The following PPP2R1B variants were observed in gnomAD, a reference collection of about 807,000 sequenced individuals.
The protein encoded by PPP2R1B is protein phosphatase 2 scaffold subunit Abeta.
In PPP2R1B, 58 loss-of-function variants were observed where a neutral mutation model predicts 72.7. The ratio of observed to expected loss-of-function variants is 0.80; its 90% confidence interval spans 0.65 to 0.99. The LOEUF (loss-of-function observed/expected upper bound fraction) is 0.99, where lower values mean the gene tolerates loss of function less well. Among genes scored for constraint, PPP2R1B ranks in the 50% least tolerant of loss-of-function variants. The probability of loss-of-function intolerance (pLI) is 0.00; values close to 1 mark genes in which losing one functional copy is unlikely to be tolerated. For missense variants in PPP2R1B, 695 were observed against 733.6 expected (o/e 0.95, Z 0.61); for synonymous variants, 256 against 264.6 (o/e 0.97, Z 0.32).
At chr11:111,730,750 T>C (rs1468409039) in intron 15 of PPP2R1B, 1 of 152,214 alleles carries the variant, frequency 6.6e-6, no homozygotes, top group Non-Finnish European at 1.5e-5. Flanking sequence ...AAATAATCTC[T>C]GTACCAAATA....
chr11:111,765,982 G>T, intron 1 of PPP2R1B: 1 of 559,596 alleles, frequency 1.8e-6, no homozygotes, highest in Non-Finnish European at 3.4e-6. Context: ...GGCGGGAAGC[G>T]GGTTCCCCGA....
the PPP2R1B span, chr11:111,720,383 G>A: frequency 8.0e-7 from 1 of 1,243,588 alleles, no homozygotes; most frequent in Non-Finnish European, 1.1e-6. Flanking sequence ...TAAGGACATG[G>A]TAGCTGTCAA....
chr11:111,757,567 G>T (rs1475272083), intron 5 of PPP2R1B, among the ~76,000 whole-genome samples: 1 of 152,128 alleles, frequency 6.6e-6, no homozygotes, highest in African/African-American at 2.4e-5. Flanking sequence ...CTGGTGCAGT[G>T]GCTCACACCT....
chr11:111,733,632 C>A (rs970261547), downstream of PPP2R1B, among the ~76,000 whole-genome samples: 14 of 152,174 alleles, frequency 9.2e-5, no homozygotes, highest in South Asian at 6.2e-4. Flanking sequence ...GGGGGTGGGA[C>A]ACAATGGAAT....
At chr11:111,743,317 G>T in intron 12 of PPP2R1B, 59 bp downstream of exon 12, 2 of 1,460,642 alleles carry the variant, frequency 1.4e-6, no homozygotes, top group Non-Finnish European at 1.9e-6. Context: ...TTCAGAAATA[G>T]TCATGAATAA....
downstream of PPP2R1B, chr11:111,723,673 C>T (rs111728096): frequency 8.7e-6 from 14 of 1,613,834 alleles, no homozygotes; most frequent in African/African-American, 9.3e-5. Flanking sequence ...AGCCCCTGAG[C>T]CCCGTCCTGG....
At chr11:111,701,581 C>A in the PPP2R1B span, 5 of 1,613,262 alleles carry the variant, frequency 3.1e-6, no homozygotes, top group Non-Finnish European at 4.2e-6. The surrounding 1 kb of genome is among the most constrained non-coding windows in gnomAD (Gnocchi z 4.2). Context: ...AGAAGGTAAT[C>A]AACTTTTCAT....
intron 4 of PPP2R1B, 54 bp from the exon 5 acceptor site, chr11:111,760,005 G>GC: frequency 6.4e-7 from 1 of 1,554,604 alleles, no homozygotes; most frequent in Non-Finnish European, 8.8e-7. Flanking sequence ...GAATAAACCT[G>GC]CCCCCCATAC....
chr11:111,697,040 CT>C, the PPP2R1B span, among the ~76,000 whole-genome samples: 3 of 152,276 alleles, frequency 2.0e-5, no homozygotes, highest in Middle Eastern at 6.8e-3. Flanking sequence ...CAATTATTAA[CT>C]TCTTCAAAAA....
chr11:111,760,586 T>C (rs1262271779), intron 4 of PPP2R1B, among the ~76,000 whole-genome samples: 7 of 152,070 alleles, frequency 4.6e-5, no homozygotes, highest in African/African-American at 1.4e-4. Flanking sequence ...GAGTTCAAGG[T>C]TGCAGTGAGC....
At chr11:111,716,254 T>C in the PPP2R1B span, among the ~76,000 whole-genome samples, 3 of 152,202 alleles carry the variant, frequency 2.0e-5, no homozygotes, top group Non-Finnish European at 4.4e-5. Flanking sequence ...AATAACTTTT[T>C]TTATGACAAA....
At position 111,761,069 on chromosome 11, in the gene PPP2R1B, G is replaced by A; in HGVS notation, c.307-18C>T. 6.3e-7 allele frequency: 1 copy of A among 1,592,124 alleles called. No homozygotes were observed. Among genetic ancestry groups the A allele is most frequent in the South Asian group, 1.1e-5 (1 of 89,978 alleles). On this transcript the variant is annotated intron_variant, in intron 3 of 14. Transcript: ENST00000527614. ...AAAGGAGGCTGAATGGATTAAAAAG[G>A]AAAACCAGAGAAGAAAACTTATTGA... is the stretch of plus-strand genomic sequence containing the variant.
In PPP2R1B at chr11:111,754,533, G is replaced by A; in HGVS notation, c.995C>T (p.Thr332Ile). 1 of 1,603,650 alleles carries A rather than the reference G, an allele frequency of 6.2e-7. No individual in the cohort carries two copies. The change falls in exon 8 of 15, where the codon ACC (threonine) becomes ATC (isoleucine). Residue 332 changes from threonine (T) to isoleucine (I), a missense_variant. Physicochemically the swap from Thr to Ile is moderately conservative, Grantham distance 89 (BLOSUM62 -1). Transcript: ENST00000527614. ...GENLPIEDRE[T>I]IIMNQILPYI... ...AGGCAGAATTTGATTCATAATTATG[G>A]TCTCTCTATCTTCAATGGGCAAGTT...
At chr11:111,756,296 T>C (rs1555049701) in intron 5 of PPP2R1B, among the ~76,000 whole-genome samples, 1 of 151,964 alleles carries the variant, frequency 6.6e-6, no homozygotes, top group African/African-American at 2.4e-5. Context: ...AGAAATGACT[T>C]TGTACTATGA....
At chr11:111,692,308 G>A in the PPP2R1B span, among the ~76,000 whole-genome samples, 10 of 122,226 alleles carry the variant, frequency 8.2e-5, no homozygotes, top group Non-Finnish European at 9.6e-5. Flanking sequence ...CTGAGATCCT[G>A]CCACTGCACT....
At chr11:111,700,368 G>A in the PPP2R1B span, among the ~76,000 whole-genome samples, 1 of 152,122 alleles carries the variant, frequency 6.6e-6, no homozygotes, top group East Asian at 1.9e-4. Context: ...AGGATATGTG[G>A]ACCAACACTT....
Position 111,755,395 on chromosome 11 carries a change from G to C in PPP2R1B, c.743C>G (p.Ser248Cys). ...CACCAAAGTCTCAAGGTCATCCTGA[G>C]ACAATAACTGGGCAATACTGACACA... is the stretch of plus-strand genomic sequence containing the variant. The part of the protein sequence containing the change: ...EACVSIAQLL[S>C]QDDLETLVMP... The change falls in exon 6 of 15, where the codon TCT (serine) becomes TGT (cysteine). Residue 248 changes from serine to cysteine, a missense_variant. Transcript: ENST00000527614. The C allele has an allele frequency of 6.2e-7, 1 of 1,613,454 alleles. No individual in the cohort carries two copies. The highest frequency in any genetic ancestry group is 8.5e-7 in the Non-Finnish European group (1 of 1,179,868).
the PPP2R1B span, among the ~76,000 whole-genome samples, chr11:111,695,256 C>CCAT: frequency 6.6e-6 from 1 of 152,136 alleles, no homozygotes; most frequent in Non-Finnish European, 1.5e-5. Flanking sequence ...AACCCTAAAG[C>CCAT]CATCTGCTGC....
At chr11:111,766,033 G>C (rs1476015131) in intron 1 of PPP2R1B, 2 of 598,336 alleles carry the variant, frequency 3.3e-6, no homozygotes, top group African/African-American at 3.7e-5. Flanking sequence ...GGACGCCTCA[G>C]GGGGTCCGAA....
Sources: allele counts gnomAD v4.1 joint callset (sites outside exome capture counted in the v4.1 genomes callset), GRCh38; gene constraint gnomAD v4.1.1; non-coding constraint Gnocchi (gnomAD v3.1); transcripts MANE v1.5; gene names NCBI Gene and HGNC (gene_info 2026-07-23, HGNC 2026-07-21).